THSD7B: variants seen among roughly 807,000 people sequenced by gnomAD.
The protein encoded by THSD7B is thrombospondin type 1 domain containing 7B, also known as thrombospondin type-1 domain-containing protein 7B.
In THSD7B, 138 loss-of-function variants were observed where a neutral mutation model predicts 213.6. The ratio of observed to expected loss-of-function variants is 0.65; its 90% CI spans 0.56 to 0.74. The LOEUF (loss-of-function observed/expected upper bound fraction) is 0.74. Ranked by LOEUF, THSD7B falls within the 30% of genes least tolerant of loss-of-function variation. THSD7B has a pLI of 0.00. For missense variants in THSD7B, 1,931 were observed against 1,991.5 expected (o/e 0.97, Z 0.58); for synonymous variants, 742 against 687.0 (o/e 1.08, Z -1.25).
At chr2:136,882,658 C>T (rs138455485) in intron 2 of THSD7B, among the ~76,000 whole-genome samples, 127 of 152,288 alleles carry the variant, frequency 8.3e-4, no homozygotes, top group Non-Finnish European at 1.5e-3. Flanking sequence ...CAGCTAAGAA[C>T]GCTTTGGACC....
chr2:137,563,183 A>T lies in THSD7B; in HGVS notation c.3139-38A>T, dbSNP rs762937230. ...TAGGCTATTTTTCTATAAGTTGGAT[A>T]GTTCCACATAATTTTGTTTCTTTCC... is the stretch of plus-strand genomic sequence containing the variant. On this transcript the variant is annotated intron_variant, in intron 15 of 27. Coordinates refer to ENST00000409968, the MANE Select transcript of THSD7B (RefSeq NM_001316349.2). 3 of 1,601,368 alleles carry T rather than the reference A, an allele frequency of 1.9e-6. No individual in the cohort carries two copies. In the Admixed American group the frequency reaches 5.1e-5, roughly 27 times the overall value.
intron 17 of THSD7B, among the ~76,000 whole-genome samples, chr2:137,594,784 T>A (rs940933017): frequency 6.6e-6 from 1 of 151,988 alleles, no homozygotes; most frequent in African/African-American, 2.4e-5. Flanking sequence ...ATAAATGGAA[T>A]TTATAGATCA....
chr2:137,153,669 C>G (rs539688166), intron 5 of THSD7B, among the ~76,000 whole-genome samples: 1 of 152,104 alleles, frequency 6.6e-6, no homozygotes, highest in African/African-American at 2.4e-5. Flanking sequence ...AGGAAAATGG[C>G]TTTATGGTTA....
intron 9 of THSD7B, among the ~76,000 whole-genome samples, chr2:137,237,113 CA>C (rs70978209): frequency 1.1e-3 from 123 of 109,568 alleles, no homozygotes; most frequent in South Asian, 2.0e-3. Flanking sequence ...AACTCCGTCT[CA>C]AAAAAAAAAA....
At chr2:137,521,736 C>A (rs1408844567) in intron 15 of THSD7B, among the ~76,000 whole-genome samples, 1 of 152,210 alleles carries the variant, frequency 6.6e-6, no homozygotes, top group East Asian at 1.9e-4. Context: ...GCTTTTGAGA[C>A]TTCTCTGACA....
At chr2:137,503,665 C>T (rs1033679043) in intron 15 of THSD7B, among the ~76,000 whole-genome samples, 1 of 152,250 alleles carries the variant, frequency 6.6e-6, no homozygotes, top group African/African-American at 2.4e-5. Flanking sequence ...GTTCAAGGTA[C>T]ATAATATTTG....
At chr2:136,860,979 G>A (rs1683249675) in intron 1 of THSD7B, among the ~76,000 whole-genome samples, 1 of 152,240 alleles carries the variant, frequency 6.6e-6, no homozygotes, top group African/African-American at 2.4e-5. Flanking sequence ...CTAGAACGCT[G>A]TTTCGCAGAT....
chr2:137,485,341 G>A lies in THSD7B; in HGVS notation c.3138+34318G>A, dbSNP rs1441606285. 6.6e-5 allele frequency among the ~76,000 whole-genome samples: 10 copies of A among 151,158 alleles called. No individual in the cohort carries two copies. The East Asian group carries it at 1.8e-3, about 27-fold the overall frequency. ...AAGATCAGATAGTTGTAGATATGCG[G>A]CATTATTTCTGAGGGCTGTGTTCTG... On this transcript the variant is annotated intron_variant, in intron 15 of 27. Coordinates refer to ENST00000409968, the MANE Select transcript of THSD7B (RefSeq NM_001316349.2).
intron 15 of THSD7B, among the ~76,000 whole-genome samples, chr2:137,532,506 T>C (rs1680416080): frequency 6.6e-6 from 1 of 151,870 alleles, no homozygotes; most frequent in African/African-American, 2.4e-5. Context: ...GATGGGATCA[T>C]AGCCCTTAGG....
At chr2:137,517,374 C>A (rs1680090544) in intron 15 of THSD7B, among the ~76,000 whole-genome samples, 1 of 152,128 alleles carries the variant, frequency 6.6e-6, no homozygotes, top group Non-Finnish European at 1.5e-5. Context: ...CATTTGCATG[C>A]CAGAGGATGG....
intron 2 of THSD7B, among the ~76,000 whole-genome samples, chr2:136,929,857 C>T (rs1684599037): frequency 6.6e-6 from 1 of 152,108 alleles, no homozygotes; most frequent in Admixed American, 6.5e-5. Flanking sequence ...ATGAAGATGA[C>T]CTTTATGCAG....
chr2:137,196,433 A>G (rs1680764718), intron 7 of THSD7B, among the ~76,000 whole-genome samples: 1 of 116,038 alleles, frequency 8.6e-6, no homozygotes, highest in Admixed American at 1.3e-4. Context: ...TAATCCAGGT[A>G]TTCTGGTGAT....
intron 20 of THSD7B, among the ~76,000 whole-genome samples, chr2:137,639,885 A>G (rs2104860040): frequency 6.6e-6 from 1 of 152,248 alleles, no homozygotes; most frequent in Admixed American, 6.5e-5. Flanking sequence ...GTATCTAGGA[A>G]GTAACTAGCT....
intron 3 of THSD7B, among the ~76,000 whole-genome samples, chr2:137,063,954 TG>T (rs1687328174): frequency 6.6e-6 from 1 of 152,116 alleles, no homozygotes; most frequent in Non-Finnish European, 1.5e-5. Context: ...TTGACTATTG[TG>T]CACAGTGCTC....
intron 12 of THSD7B, among the ~76,000 whole-genome samples, chr2:137,403,465 G>A (rs1204193984): frequency 2.0e-5 from 3 of 151,990 alleles, no homozygotes; most frequent in Admixed American, 6.6e-5. Flanking sequence ...CCTAAACTGT[G>A]GTCTTTTTGT....
intron 15 of THSD7B, among the ~76,000 whole-genome samples, chr2:137,508,037 G>C (rs899086109): frequency 5.2e-4 from 79 of 152,196 alleles, no homozygotes; most frequent in African/African-American, 1.8e-3. Flanking sequence ...TACTTCACAT[G>C]GTTCTTGTAA....
intron 17 of THSD7B, among the ~76,000 whole-genome samples, chr2:137,601,654 A>C (rs909698221): frequency 7.9e-5 from 12 of 152,228 alleles, no homozygotes; most frequent in African/African-American, 1.2e-4. Context: ...CTTTGAAACC[A>C]TTCTTCTAAG....
At chr2:137,186,466 C>A (rs888593710) in intron 7 of THSD7B, among the ~76,000 whole-genome samples, 2 of 150,690 alleles carry the variant, frequency 1.3e-5, no homozygotes, top group African/African-American at 5.0e-5. Context: ...ATCCCAGCAC[C>A]ATTTATGGAA....
chr2:137,390,895 G>T (rs570151164), intron 12 of THSD7B, among the ~76,000 whole-genome samples: 2,532 of 152,202 alleles, frequency 0.017, 70 homozygotes, highest in African/African-American at 0.057. Flanking sequence ...TGATCATGGT[G>T]TATTTTTTGA....
Sources: gnomAD v4.1 joint callset for allele counts (sites outside exome capture counted in the v4.1 genomes callset) on GRCh38, gnomAD v4.1.1 for gene constraint, MANE v1.5 for transcripts, NCBI Gene and HGNC (gene_info 2026-07-23, HGNC 2026-07-21) for gene names.